Variants in PCDH15 observed in about 807,000 individuals in gnomAD.
PCDH15 encodes protocadherin-15.
In PCDH15, 129 loss-of-function variants were observed where a neutral mutation model predicts 178.5. That is an observed-to-expected ratio of 0.72 (90% CI 0.63 to 0.84). PCDH15 has a LOEUF of 0.84. Ranked by LOEUF, PCDH15 falls within the 40% of genes least tolerant of loss-of-function variation. PCDH15 has a pLI of 0.00. For missense variants in PCDH15, 2,230 were observed against 2,099.9 expected, an observed-to-expected ratio of 1.06 and a Z score of -1.21; for synonymous variants, 800 against 732.0, an observed-to-expected ratio of 1.09 and a Z score of -1.50.
intron 30 of PCDH15, among the ~76,000 whole-genome samples, chr10:53,829,781 C>G (rs1331323234): frequency 6.6e-6 from 1 of 152,094 alleles, no homozygotes; most frequent in Non-Finnish European, 1.5e-5. Flanking sequence ...ATGCAGCAAG[C>G]CCTAGTTATA....
At chr10:54,733,669 C>T (rs1943699672) in intron 1 of PCDH15, among the ~76,000 whole-genome samples, 1 of 151,558 alleles carries the variant, frequency 6.6e-6, no homozygotes, top group South Asian at 2.1e-4. Flanking sequence ...GAATTTATTT[C>T]AAGATCTCCC....
At chr10:54,450,151 ATATATATT>A (rs887015519) in intron 3 of PCDH15, among the ~76,000 whole-genome samples, 11 of 146,230 alleles carry the variant, frequency 7.5e-5, no homozygotes, top group African/African-American at 1.0e-4. Context: ...ATATATATAT[ATATATATT>A]ATACTTTAAG....
At chr10:54,987,748 T>A (rs576659950) in intron 2 of PCDH15, among the ~76,000 whole-genome samples, 13 of 152,120 alleles carry the variant, frequency 8.5e-5, no homozygotes, top group African/African-American at 2.9e-4. Flanking sequence ...TCCTTATAGA[T>A]TCTGGATATA....
chr10:55,517,635 A>G (rs1397905259), intron 2 of PCDH15, among the ~76,000 whole-genome samples: 2 of 152,176 alleles, frequency 1.3e-5, no homozygotes, highest in Non-Finnish European at 2.9e-5. Flanking sequence ...CGTTCCAGCA[A>G]TTGCACTTTT....
chr10:55,139,466 T>C (rs1324889792), intron 2 of PCDH15, among the ~76,000 whole-genome samples: 1 of 152,064 alleles, frequency 6.6e-6, no homozygotes, highest in Non-Finnish European at 1.5e-5. Flanking sequence ...GTGAATGAGG[T>C]ATGAGACCTA....
At chr10:54,524,842 G>T (rs1434145293) in intron 3 of PCDH15, among the ~76,000 whole-genome samples, 1 of 152,110 alleles carries the variant, frequency 6.6e-6, no homozygotes, top group Non-Finnish European at 1.5e-5. Context: ...ACCAGCAATT[G>T]TGATGAAAAT....
chr10:55,316,308 T>C (rs991010417), intron 1 of PCDH15, among the ~76,000 whole-genome samples: 2 of 152,116 alleles, frequency 1.3e-5, no homozygotes, highest in African/African-American at 4.8e-5. Flanking sequence ...ACAAAGAGAT[T>C]CACAACCTAG....
At chr10:54,219,274 C>CAAAA (rs995053736) in intron 9 of PCDH15, among the ~76,000 whole-genome samples, 2 of 45,182 alleles carry the variant, frequency 4.4e-5, no homozygotes, top group Non-Finnish European at 4.3e-5. Flanking sequence ...GACTTTGTCT[C>CAAAA]AAAAAAAAAA....
Position 54,153,146 on chromosome 10 carries a change from C to A in PCDH15, c.1738G>T (p.Ala580Ser). The change falls in exon 14 of 38, where the codon GCA becomes TCA. Residue 580 changes from alanine (A) to serine (S), a missense_variant. Transcript: ENST00000644397. ...TTATCCGCTGCTTGGACCGTGAGTGCGTAAGTCCGCCCGACTATCATTTCC... is the reference window on the plus strand; with the variant it reads ...TTATCCGCTGCTTGGACCGTGAGTGAGTAAGTCCGCCCGACTATCATTTCC... ...GVEMIVGRTY[A>S]LTVQAADNAP... 6.2e-7 allele frequency: 1 copy of A among 1,613,862 alleles called. No homozygotes were observed. The highest frequency in any genetic ancestry group is 8.5e-7 in the Non-Finnish European group (1 of 1,179,850).
At chr10:54,218,537 C>T (rs766579663) in intron 9 of PCDH15, among the ~76,000 whole-genome samples, 1 of 151,156 alleles carries the variant, frequency 6.6e-6, no homozygotes, top group Non-Finnish European at 1.5e-5. Context: ...TCTTCCCTCT[C>T]TCTCTGTCCA....
At chr10:54,563,633 T>C (rs1250052791) in intron 2 of PCDH15, among the ~76,000 whole-genome samples, 1 of 152,114 alleles carries the variant, frequency 6.6e-6, no homozygotes, top group Non-Finnish European at 1.5e-5. Context: ...ATTACATCAG[T>C]GGAATGTAGC....
At chr10:54,323,898 A>C (rs2061766479) in intron 7 of PCDH15, among the ~76,000 whole-genome samples, 1 of 152,134 alleles carries the variant, frequency 6.6e-6, no homozygotes, top group Non-Finnish European at 1.5e-5. Flanking sequence ...TCTTGTAAAC[A>C]TTTTTTGTTT....
At chr10:55,598,568 A>ATATATATAT (rs1842991917) in intron 2 of PCDH15, among the ~76,000 whole-genome samples, 3 of 114,858 alleles carry the variant, frequency 2.6e-5, no homozygotes, top group Non-Finnish European at 5.6e-5. Flanking sequence ...ATATATATAT[A>ATATATATAT]GTAAACACAA....
At position 55,110,430 on chromosome 10, in the gene PCDH15, G is replaced by T. The variant is rs552989146; in HGVS notation, c.-80+56146C>A. Among the ~76,000 whole-genome samples, 13 of 152,170 alleles carry T rather than the reference G, an allele frequency of 8.5e-5. No individual in the cohort carries two copies. The East Asian group carries it at 2.3e-3, about 27-fold the overall frequency. ...ATGTAGTCGTTTAAAAAGCCGCATT[G>T]TATTAGTGCATGTTTACCAGAATTA... On this transcript the variant is annotated intron_variant, in intron 2 of 5. Transcript: ENST00000458638.
At chr10:54,354,035 G>C (rs112889696) in intron 5 of PCDH15, among the ~76,000 whole-genome samples, 48 of 152,208 alleles carry the variant, frequency 3.2e-4, no homozygotes, top group African/African-American at 1.1e-3. Context: ...GGCCAGGCTG[G>C]AGTGCAATGG....
At chr10:54,932,610 G>T (rs1466508362) in intron 2 of PCDH15, among the ~76,000 whole-genome samples, 1 of 152,064 alleles carries the variant, frequency 6.6e-6, no homozygotes, top group Non-Finnish European at 1.5e-5. Flanking sequence ...GAGTACAGTG[G>T]TGCCATCTAG....
intron 3 of PCDH15, among the ~76,000 whole-genome samples, chr10:54,522,087 C>CAAAAAAA (rs11313978): frequency 1.7e-5 from 1 of 58,870 alleles, no homozygotes; most frequent in Non-Finnish European, 3.2e-5. Flanking sequence ...GAATCCATCT[C>CAAAAAAA]AAAAAAAAAA....
intron 2 of PCDH15, among the ~76,000 whole-genome samples, chr10:54,940,120 T>A (rs928951049): frequency 3.3e-5 from 5 of 152,132 alleles, no homozygotes; most frequent in African/African-American, 1.2e-4. Context: ...TGTCTTTAGG[T>A]TTAAGTTAGG....
At chr10:55,546,728 G>A (rs1220403721) in intron 2 of PCDH15, among the ~76,000 whole-genome samples, 1 of 152,086 alleles carries the variant, frequency 6.6e-6, no homozygotes, top group Non-Finnish European at 1.5e-5. Flanking sequence ...TCAATTATTT[G>A]TCTATTTTTA....
Sources: gnomAD v4.1 joint callset for allele counts (sites outside exome capture counted in the v4.1 genomes callset) on GRCh38, gnomAD v4.1.1 for gene constraint, MANE v1.5 for transcripts, NCBI Gene and HGNC (gene_info 2026-07-23, HGNC 2026-07-21) for gene names.